Variants in SPMIP2 observed in about 807,000 individuals in gnomAD.
SPMIP2 encodes sperm microtubule inner protein 2, also known as protein SPMIP2.
the SPMIP2 span, among the ~76,000 whole-genome samples, chr4:158,966,848 A>G: frequency 7.9e-5 from 12 of 152,094 alleles, no homozygotes; most frequent in African/African-American, 2.9e-4. Flanking sequence ...TGATGTGACA[A>G]TTAGGACTTT....
the SPMIP2 span, chr4:158,973,125 T>C: frequency 0.034 from 55,023 of 1,609,564 alleles, 1,749 homozygotes; most frequent in East Asian, 0.18. Context: ...GATAAAATTA[T>C]ACTGTGGTAT....
chr4:158,919,274 G>C, the SPMIP2 span, among the ~76,000 whole-genome samples: 1 of 152,136 alleles, frequency 6.6e-6, no homozygotes, highest in South Asian at 2.1e-4. Flanking sequence ...TTCAAGTTTG[G>C]CCAGGCATCC....
the SPMIP2 span, among the ~76,000 whole-genome samples, chr4:158,983,358 G>A: frequency 3.3e-5 from 5 of 151,502 alleles, no homozygotes; most frequent in East Asian, 1.9e-4. Context: ...ACACATAATT[G>A]TCAGATTCAC....
At chr4:158,965,243 C>T in the SPMIP2 span, among the ~76,000 whole-genome samples, 5,167 of 72,862 alleles carry the variant, frequency 0.071, 285 homozygotes, top group African/African-American at 0.19. Context: ...ATTCAAAATA[C>T]ACCAGGATTT....
At chr4:158,967,467 G>A in the SPMIP2 span, among the ~76,000 whole-genome samples, 10 of 152,136 alleles carry the variant, frequency 6.6e-5, no homozygotes, top group Non-Finnish European at 5.9e-5. Context: ...ATAACTATAA[G>A]TAAAAAGTGA....
At chr4:159,059,987 A>T in the SPMIP2 span, among the ~76,000 whole-genome samples, 1 of 152,212 alleles carries the variant, frequency 6.6e-6, no homozygotes. Context: ...GCAAAGCAGC[A>T]GAAGTCCCAC....
chr4:159,073,860 T>C, the SPMIP2 span, among the ~76,000 whole-genome samples: 2 of 151,944 alleles, frequency 1.3e-5, no homozygotes, highest in Non-Finnish European at 2.9e-5. Flanking sequence ...AAAAATTAGC[T>C]GGGCATCATG....
At chr4:158,944,142 A>G in the SPMIP2 span, among the ~76,000 whole-genome samples, 1 of 151,876 alleles carries the variant, frequency 6.6e-6, no homozygotes, top group African/African-American at 2.4e-5. Flanking sequence ...GTGTGAGCCA[A>G]CGCACCTGGC....
At chr4:159,044,659 C>T in the SPMIP2 span, among the ~76,000 whole-genome samples, 13 of 152,170 alleles carry the variant, frequency 8.5e-5, no homozygotes, top group African/African-American at 2.6e-4. Flanking sequence ...AAGGGGAGTT[C>T]GTGAGGGTTT....
At chr4:158,955,282 T>C in the SPMIP2 span, among the ~76,000 whole-genome samples, 2 of 152,140 alleles carry the variant, frequency 1.3e-5, no homozygotes, top group African/African-American at 4.8e-5. Flanking sequence ...AACCTAAGAG[T>C]AAGGACTCTG....
the SPMIP2 span, among the ~76,000 whole-genome samples, chr4:158,953,198 G>C: frequency 6.6e-6 from 1 of 152,198 alleles, no homozygotes; most frequent in African/African-American, 2.4e-5. Context: ...CAGGCCCAGA[G>C]ACTTAGGAGA....
At chr4:159,046,560 T>C in the SPMIP2 span, among the ~76,000 whole-genome samples, 4 of 152,140 alleles carry the variant, frequency 2.6e-5, no homozygotes, top group African/African-American at 9.7e-5. Context: ...TTTCTTGTTT[T>C]GTTTTTTGTT....
the SPMIP2 span, chr4:158,960,199 A>G: frequency 1.3e-6 from 1 of 785,620 alleles, no homozygotes; most frequent in Non-Finnish European, 2.1e-6. Context: ...AAGTGTTAAT[A>G]TACTTAAAAG....
chr4:159,025,528 T>C, the SPMIP2 span, among the ~76,000 whole-genome samples: 1 of 152,132 alleles, frequency 6.6e-6, no homozygotes, highest in Admixed American at 6.5e-5. Flanking sequence ...TTTAAAACCA[T>C]TTGCTTAAAT....
the SPMIP2 span, among the ~76,000 whole-genome samples, chr4:158,899,994 A>G: frequency 6.6e-6 from 1 of 152,160 alleles, no homozygotes; most frequent in Non-Finnish European, 1.5e-5. Flanking sequence ...AGTGCTATAA[A>G]TTTCCCTCTA....
chr4:159,005,119 T>C, the SPMIP2 span, among the ~76,000 whole-genome samples: 3 of 140,150 alleles, frequency 2.1e-5, no homozygotes, highest in African/African-American at 8.2e-5. Context: ...TAATCCCAGC[T>C]GCTCAAGAGG....
the SPMIP2 span, among the ~76,000 whole-genome samples, chr4:159,008,686 T>C: frequency 1.2e-4 from 18 of 152,222 alleles, no homozygotes; most frequent in Non-Finnish European, 1.5e-4. Context: ...ATGATCACTA[T>C]GTTCATTTTC....
chr4:158,965,116 G>C, the SPMIP2 span, among the ~76,000 whole-genome samples: 1 of 152,090 alleles, frequency 6.6e-6, no homozygotes, highest in Non-Finnish European at 1.5e-5. Flanking sequence ...TCAATGCAGT[G>C]GGTGGAAACA....
At chr4:159,009,299 G>A in the SPMIP2 span, among the ~76,000 whole-genome samples, 134 of 152,270 alleles carry the variant, frequency 8.8e-4, no homozygotes, top group African/African-American at 2.7e-3. Flanking sequence ...TATTAAAAAT[G>A]CAAAATCTCA....
Sources: gnomAD v4.1 joint callset for allele counts (sites outside exome capture counted in the v4.1 genomes callset) on GRCh38, gnomAD v4.1.1 for gene constraint, MANE v1.5 for transcripts, NCBI Gene and HGNC (gene_info 2026-07-23, HGNC 2026-07-21) for gene names.